Variants in EVI5 observed in about 807,000 individuals in gnomAD.
The protein encoded by EVI5 is ecotropic viral integration site 5.
A neutral mutation model predicts 112.0 loss-of-function variants in EVI5; 73 were observed. The ratio of observed to expected loss-of-function variants is 0.65; its 90% CI spans 0.54 to 0.79. The LOEUF (loss-of-function observed/expected upper bound fraction) is 0.79. Among genes scored for constraint, EVI5 ranks in the 30% least tolerant of loss-of-function variants. EVI5 has a pLI of 0.00. For synonymous variants in EVI5, 305 were observed against 319.9 expected (o/e 0.95, Z 0.50); for missense variants, 900 against 968.8 (o/e 0.93, Z 0.94).
chr1:92,533,350 C>T (rs993200568), intron 19 of EVI5, among the ~76,000 whole-genome samples: 1 of 152,150 alleles, frequency 6.6e-6, no homozygotes, highest in East Asian at 1.9e-4. Context: ...CTGAATTCCA[C>T]CAGAGGTACA....
At chr1:92,590,746 T>A (rs1334286553) in intron 18 of EVI5, among the ~76,000 whole-genome samples, 2 of 152,018 alleles carry the variant, frequency 1.3e-5, no homozygotes, top group Non-Finnish European at 2.9e-5. Flanking sequence ...ACATTCAAAT[T>A]CAGGAAATAC....
chr1:92,620,756 AAAGAT>A (rs1323810756), intron 16 of EVI5, among the ~76,000 whole-genome samples: 1 of 152,148 alleles, frequency 6.6e-6, no homozygotes, highest in Non-Finnish European at 1.5e-5. Context: ...TTAAAGCAGA[AAAGAT>A]AAGATACCAG....
At chr1:92,778,205 C>T (rs183309537) in intron 1 of EVI5, among the ~76,000 whole-genome samples, 326 of 152,242 alleles carry the variant, frequency 2.1e-3, no homozygotes, top group African/African-American at 7.4e-3. Context: ...CTGCACCCCG[C>T]CAAAGATGGC....
intron 14 of EVI5, among the ~76,000 whole-genome samples, chr1:92,627,029 G>A (rs563355426): frequency 4.6e-5 from 7 of 152,160 alleles, no homozygotes; most frequent in South Asian, 2.1e-4. Flanking sequence ...ATATTTTTCC[G>A]TAAGTTATTG....
chr1:92,605,235 A>G (rs1650098229), intron 18 of EVI5, 72 bp downstream of exon 18: 3 of 981,552 alleles, frequency 3.1e-6, no homozygotes, highest in Non-Finnish European at 4.8e-6. Flanking sequence ...GATAAAGAGT[A>G]AGTTACTGTT....
chr1:92,549,631 A>T (rs1401313865), intron 19 of EVI5, among the ~76,000 whole-genome samples: 4 of 152,102 alleles, frequency 2.6e-5, no homozygotes, highest in Non-Finnish European at 4.4e-5. Context: ...GAATCTACAA[A>T]GAACTCAAAC....
At chr1:92,682,051 A>G (rs998611709) in intron 9 of EVI5, among the ~76,000 whole-genome samples, 1 of 152,090 alleles carries the variant, frequency 6.6e-6, no homozygotes, top group Non-Finnish European at 1.5e-5. Context: ...GGCTCAATGG[A>G]TCCTCCCACC....
intron 18 of EVI5, among the ~76,000 whole-genome samples, chr1:92,597,918 G>T (rs1021378829): frequency 1.3e-5 from 2 of 152,280 alleles, no homozygotes; most frequent in African/African-American, 4.8e-5. Flanking sequence ...AATTAGCCAG[G>T]TGTGGTGGTG....
chr1:92,785,442 G>C (rs1169743546), upstream of EVI5, among the ~76,000 whole-genome samples: 1 of 152,228 alleles, frequency 6.6e-6, no homozygotes, highest in East Asian at 1.9e-4. Context: ...TGACTTTCAG[G>C]GCCCTGGCAC....
intron 12 of EVI5, among the ~76,000 whole-genome samples, 174 bp downstream of exon 12, chr1:92,663,246 A>G (rs115254850): frequency 0.015 from 2,282 of 152,326 alleles, 31 homozygotes; most frequent in Non-Finnish European, 0.02. Context: ...ATAAACCAAG[A>G]TAACACCTTG....
intron 2 of EVI5, among the ~76,000 whole-genome samples, chr1:92,715,400 G>A (rs1376043151): frequency 6.6e-6 from 1 of 152,178 alleles, no homozygotes; most frequent in Non-Finnish European, 1.5e-5. Context: ...AGAATAAAGA[G>A]TGACTTAAAC....
intron 19 of EVI5, among the ~76,000 whole-genome samples, chr1:92,557,750 G>A (rs2100830881): frequency 6.7e-6 from 1 of 149,822 alleles, no homozygotes; most frequent in South Asian, 2.1e-4. Context: ...CTTGAGACAG[G>A]ATCTCACTGT....
At chr1:92,654,392 C>CT (rs1274163549) in intron 13 of EVI5, among the ~76,000 whole-genome samples, 3 of 152,058 alleles carry the variant, frequency 2.0e-5, no homozygotes, top group African/African-American at 7.2e-5. Context: ...CTCACACAGC[C>CT]AGTACACTAC....
intron 10 of EVI5, among the ~76,000 whole-genome samples, chr1:92,676,547 C>T (rs1324812271): frequency 6.6e-6 from 1 of 152,106 alleles, no homozygotes; most frequent in South Asian, 2.1e-4. Flanking sequence ...TTCTCAAGTC[C>T]CAGCTCCAAC....
At chr1:92,727,487 G>A (rs1050033577) in intron 2 of EVI5, among the ~76,000 whole-genome samples, 9 of 152,174 alleles carry the variant, frequency 5.9e-5, no homozygotes, top group Non-Finnish European at 1.0e-4. Context: ...TCTCTTTTCT[G>A]TCTGTCATGA....
intron 18 of EVI5, among the ~76,000 whole-genome samples, chr1:92,585,946 T>C (rs1295608373): frequency 2.6e-5 from 4 of 152,162 alleles, no homozygotes; most frequent in Non-Finnish European, 5.9e-5. Flanking sequence ...GACAGCTTCT[T>C]AGACTTTGCT....
intron 19 of EVI5, among the ~76,000 whole-genome samples, chr1:92,521,522 C>A (rs1298792094): frequency 6.6e-6 from 1 of 152,044 alleles, no homozygotes; most frequent in African/African-American, 2.4e-5. Flanking sequence ...GAAACCCTGT[C>A]TCTACTAAAA....
chr1:92,627,602 A>G (rs1655961807), intron 14 of EVI5, among the ~76,000 whole-genome samples: 1 of 152,198 alleles, frequency 6.6e-6, no homozygotes, highest in Admixed American at 6.5e-5. Context: ...GAATCTCCAC[A>G]CTGTTTTCCA....
chr1:92,700,320 T>C (rs540699357), intron 5 of EVI5, among the ~76,000 whole-genome samples: 1 of 152,338 alleles, frequency 6.6e-6, no homozygotes, highest in Middle Eastern at 3.4e-3. Context: ...TTTGATAAAG[T>C]ATGTACTAAT....
Sources: gnomAD v4.1 joint callset for allele counts (sites outside exome capture counted in the v4.1 genomes callset) on GRCh38, gnomAD v4.1.1 for gene constraint, MANE v1.5 for transcripts, NCBI Gene and HGNC (gene_info 2026-07-23, HGNC 2026-07-21) for gene names.